The following TNNI3K variants were observed in gnomAD, a reference collection of about 807,000 sequenced individuals.
TNNI3K encodes the protein serine/threonine-protein kinase TNNI3K.
In TNNI3K, 140 loss-of-function variants were observed where a neutral mutation model predicts 114.5. That is an observed-to-expected ratio of 1.22 (90% CI 1.07 to 1.41). The LOEUF (loss-of-function observed/expected upper bound fraction) is 1.41. Among genes scored for constraint, TNNI3K ranks in the 40% most tolerant of loss-of-function variants. TNNI3K has a pLI of 0.00. For missense variants in TNNI3K, 1,125 were observed against 1,007.6 expected, an observed-to-expected ratio of 1.12 and a Z score of -1.58; for synonymous variants, 347 against 347.5, an observed-to-expected ratio of 1.00 and a Z score of 0.02.
intron 9 of TNNI3K, among the ~76,000 whole-genome samples, chr1:74,347,411 T>C (rs1661073699): frequency 1.3e-5 from 2 of 152,048 alleles, no homozygotes; most frequent in Non-Finnish European, 2.9e-5. Flanking sequence ...TGTTGGACAT[T>C]TGGGTTGGTT....
intron 5 of TNNI3K, among the ~76,000 whole-genome samples, chr1:74,274,736 T>A (rs1428659747): frequency 6.6e-6 from 1 of 152,070 alleles, no homozygotes; most frequent in African/African-American, 2.4e-5. Context: ...AAATCTATCA[T>A]GAGTGGCAAA....
chr1:74,240,024 G>A (rs976227576), intron 2 of TNNI3K: 3 of 465,866 alleles, frequency 6.4e-6, no homozygotes, highest in South Asian at 3.1e-5. Flanking sequence ...GACAGAAAGG[G>A]CACCTTAGAG....
chr1:74,314,149 T>A (rs1347134823), intron 5 of TNNI3K, among the ~76,000 whole-genome samples: 2 of 147,644 alleles, frequency 1.4e-5, no homozygotes, highest in African/African-American at 4.9e-5. Flanking sequence ...TTCACAGTAT[T>A]CCCCATATAT....
chr1:74,467,995 A>T (rs1667750051), intron 21 of TNNI3K, among the ~76,000 whole-genome samples: 1 of 152,198 alleles, frequency 6.6e-6, no homozygotes, highest in South Asian at 2.1e-4. Flanking sequence ...ATTACAACAC[A>T]CAGACTACAA....
Position 74,378,594 on chromosome 1 carries a change from T to TTATATATATA in TNNI3K, c.1772+8240_1772+8249dup, listed in dbSNP as rs58113455. On this transcript the variant is annotated intron_variant, in intron 17 of 24. Transcript: ENST00000326637. Reference sequence around the variant, plus strand: ...TTTTGTTGTTGTTGTCAGTTTAATTTTATATATATATATATATATATATAT... The same window carrying TTATATATATA: ...TTTTGTTGTTGTTGTCAGTTTAATTTTATATATATATATATATATATATATATATATATAT... The TTATATATATA allele has an allele frequency of 1.3e-3, 103 of 77,866 alleles. 1 individual carries two copies. The highest frequency in any genetic ancestry group is 3.5e-3 in the South Asian group (7 of 1,990). The allele number at this position is 77,866 out of a possible 1,614,324, so 4.8% of individuals were successfully genotyped here. A position where few individuals can be genotyped will look rare whatever the true frequency, so the allele number is the denominator to read the frequency against.
chr1:74,306,957 T>C (rs1479437185), intron 5 of TNNI3K, among the ~76,000 whole-genome samples: 1 of 152,166 alleles, frequency 6.6e-6, no homozygotes, highest in Admixed American at 6.5e-5. Context: ...CGAAGAGTTT[T>C]TAACCAGGTC....
intron 4 of TNNI3K, among the ~76,000 whole-genome samples, chr1:74,255,102 G>T (rs1655190400): frequency 6.6e-6 from 1 of 152,150 alleles, no homozygotes; most frequent in African/African-American, 2.4e-5. Flanking sequence ...GGTTAAAAAT[G>T]CCTAACTTTT....
At chr1:74,528,858 G>A (rs1338005776) in intron 23 of TNNI3K, among the ~76,000 whole-genome samples, 1 of 152,156 alleles carries the variant, frequency 6.6e-6, no homozygotes, top group Admixed American at 6.5e-5. Flanking sequence ...AGGAAACAAG[G>A]CACTTGAAGA....
intron 5 of TNNI3K, among the ~76,000 whole-genome samples, chr1:74,298,458 A>G (rs1288211387): frequency 2.0e-5 from 3 of 152,188 alleles, no homozygotes; most frequent in Non-Finnish European, 2.9e-5. Flanking sequence ...GCACAACTGC[A>G]AATTGATAAT....
At chr1:74,285,988 T>G (rs1657308800) in intron 5 of TNNI3K, among the ~76,000 whole-genome samples, 1 of 152,146 alleles carries the variant, frequency 6.6e-6, no homozygotes, top group African/African-American at 2.4e-5. Flanking sequence ...AATATCAACT[T>G]GAAGAACTAT....
At chr1:74,243,932 AG>A (rs1290379738) in intron 2 of TNNI3K, among the ~76,000 whole-genome samples, 1 of 152,148 alleles carries the variant, frequency 6.6e-6, no homozygotes, top group African/African-American at 2.4e-5. Context: ...AATTGAGCTT[AG>A]GGTATTAGAA....
intron 17 of TNNI3K, among the ~76,000 whole-genome samples, chr1:74,426,725 A>C (rs976871412): frequency 9.9e-5 from 15 of 152,048 alleles, no homozygotes; most frequent in Non-Finnish European, 2.2e-4. Context: ...CTGGATGTTG[A>C]ATAGGTGCTC....
chr1:74,436,906 G>A (rs3765670), intron 19 of TNNI3K, among the ~76,000 whole-genome samples: 100,124 of 151,816 alleles, frequency 0.66, 35,150 homozygotes, highest in East Asian at 0.81. Flanking sequence ...ACTATTCATC[G>A]TTCTCCACTT....
intron 4 of TNNI3K, among the ~76,000 whole-genome samples, chr1:74,262,850 A>G (rs2100874939): frequency 6.6e-6 from 1 of 152,238 alleles, no homozygotes; most frequent in East Asian, 1.9e-4. Context: ...TATTTCCTGG[A>G]AAACCTTCCC....
At chr1:74,366,401 A>G (rs1283431315) in intron 11 of TNNI3K, among the ~76,000 whole-genome samples, 1 of 152,018 alleles carries the variant, frequency 6.6e-6, no homozygotes, top group East Asian at 1.9e-4. Context: ...ATCCTTCACA[A>G]TCATAAGCCC....
rs148781294 is a variant in TNNI3K at position 74,255,901 on chromosome 1, C to G, written c.333+5132C>G. On this transcript the variant is annotated intron_variant, in intron 4 of 24. Transcript: ENST00000326637. ...GTATGTTTTCTTTTCTATATGGTTT[C>G]TTGCACTTATCATAAGGCTATTGGG... Among the ~76,000 whole-genome samples the G allele has an allele frequency of 1.4e-3, 206 of 152,246 alleles. 5 individuals carry two copies. In the East Asian group the frequency reaches 0.03, roughly 23 times the overall value.
At chr1:74,497,732 A>T (rs1337313820) in intron 23 of TNNI3K, among the ~76,000 whole-genome samples, 3 of 152,144 alleles carry the variant, frequency 2.0e-5, no homozygotes, top group Non-Finnish European at 4.4e-5. Flanking sequence ...TCATGCTCTA[A>T]CCCACCTACT....
chr1:74,492,026 C>A, intron 22 of TNNI3K, 71 bp from the exon 23 acceptor site: 2 of 1,385,098 alleles, frequency 1.4e-6, no homozygotes, highest in African/African-American at 1.4e-5. Context: ...AAAGTTAAAT[C>A]CATATTTTAT....
At chr1:74,426,131 G>A (rs1356772383) in intron 17 of TNNI3K, among the ~76,000 whole-genome samples, 5 of 152,010 alleles carry the variant, frequency 3.3e-5, no homozygotes, top group East Asian at 3.9e-4. Flanking sequence ...CCCTGTGTTC[G>A]CTAAGGGGAG....
Sources: gnomAD v4.1 joint callset for allele counts (sites outside exome capture counted in the v4.1 genomes callset) on GRCh38, gnomAD v4.1.1 for gene constraint, MANE v1.5 for transcripts, NCBI Gene and HGNC (gene_info 2026-07-23, HGNC 2026-07-21) for gene names.